Variants in ARHGAP35 observed in about 807,000 individuals in gnomAD.
The protein encoded by ARHGAP35 is rho GTPase-activating protein 35.
ARHGAP35 carries 15 observed loss-of-function variants against 111.1 expected under a neutral mutation model. The observed-to-expected ratio is 0.13, with a 90% CI of 0.09 to 0.21. The LOEUF is 0.21. Among genes scored for constraint, ARHGAP35 ranks in the 10% least tolerant of loss-of-function variants. The pLI, the probability that ARHGAP35 is intolerant of heterozygous loss-of-function variation, is 1.00. For synonymous variants in ARHGAP35, 643 were observed against 710.3 expected, an observed-to-expected ratio of 0.91 and a Z score of 1.51; for missense variants, 1,262 against 1,873.0, an observed-to-expected ratio of 0.67 and a Z score of 6.02.
intron 2 of ARHGAP35, among the ~76,000 whole-genome samples, chr19:46,934,692 C>T (rs988334844): frequency 1.8e-4 from 28 of 151,606 alleles, no homozygotes; most frequent in African/African-American, 6.5e-4. Flanking sequence ...TATTTTGAGA[C>T]GGGGTCGCAC....
intron 1 of ARHGAP35, among the ~76,000 whole-genome samples, chr19:46,913,660 G>T (rs534813922): frequency 6.6e-5 from 10 of 152,268 alleles, no homozygotes; most frequent in African/African-American, 2.4e-4. Context: ...CTCTGAAGTA[G>T]TTGACTCTTG....
In ARHGAP35 at chr19:46,920,590, C is replaced by T; in HGVS notation, c.1915C>T (p.Pro639Ser). The change falls in exon 2 of 7, where the codon CCA (proline) becomes TCA (serine). Residue 639 changes from proline (P) to serine (S), a missense_variant. This residue lies in a region of ARHGAP35 where 37 missense variants were observed against 83.9 expected (regional missense o/e 0.44). Transcript: ENST00000672722. This position sits in a 1 kb window ranked among gnomAD's most constrained non-coding sequence, Gnocchi z 7.0. ...DGKMYELSLR[P>S]IEGNVRLPVN... is the part of the protein sequence containing the mutation. ...TAAAATGTATGAGCTTTCCCTGAGG[C>T]CAATAGAGGGGAATGTCAGGCTTCC... is the stretch of plus-strand genomic sequence containing the variant. 1 of 1,614,010 alleles carries T rather than the reference C, an allele frequency of 6.2e-7. No individual in the cohort carries two copies. Among genetic ancestry groups the T allele is most frequent in the Non-Finnish European group, 8.5e-7 (1 of 1,179,892 alleles).
At chr19:46,958,948 C>T (rs576143767) in intron 3 of ARHGAP35, among the ~76,000 whole-genome samples, 1 of 152,258 alleles carries the variant, frequency 6.6e-6, no homozygotes, top group South Asian at 2.1e-4. Flanking sequence ...ATTTCTGTTT[C>T]TCATTCTCCT....
At chr19:46,956,755 A>G (rs1307480562) in intron 3 of ARHGAP35, among the ~76,000 whole-genome samples, 1 of 152,168 alleles carries the variant, frequency 6.6e-6, no homozygotes, top group Non-Finnish European at 1.5e-5. Flanking sequence ...GCTACCCAGT[A>G]GCTGTGTGAT....
chr19:46,965,340 T>A (rs2056507979), intron 3 of ARHGAP35, among the ~76,000 whole-genome samples: 1 of 152,230 alleles, frequency 6.6e-6, no homozygotes, highest in South Asian at 2.1e-4. Context: ...TTCTAAGATT[T>A]CTTTTGTTTT....
intron 1 of ARHGAP35, among the ~76,000 whole-genome samples, chr19:46,891,627 A>T (rs1016354998): frequency 2.6e-5 from 4 of 151,894 alleles, no homozygotes; most frequent in Non-Finnish European, 5.9e-5. Context: ...GAGTTTCACC[A>T]TGTTGGCCAG....
chr19:46,982,448 G>T (rs1460934538), intron 3 of ARHGAP35, among the ~76,000 whole-genome samples: 1 of 151,256 alleles, frequency 6.6e-6, no homozygotes, highest in Non-Finnish European at 1.5e-5. Context: ...CTGCACTCCA[G>T]CCTGGGCAAC....
chr19:46,915,946 T>C (rs1401934332), intron 1 of ARHGAP35, among the ~76,000 whole-genome samples: 3 of 148,756 alleles, frequency 2.0e-5, no homozygotes, highest in African/African-American at 7.5e-5. Context: ...TTTTTTTTTT[T>C]TTTTTTTAAG....
At chr19:46,882,645 C>A (rs572147395) in intron 1 of ARHGAP35, among the ~76,000 whole-genome samples, 1 of 152,288 alleles carries the variant, frequency 6.6e-6, no homozygotes, top group South Asian at 2.1e-4. Flanking sequence ...AATGCTCTCC[C>A]TTTCCTTGCT....
At chr19:46,944,562 G>C (rs961027000) in intron 3 of ARHGAP35, among the ~76,000 whole-genome samples, 1 of 152,098 alleles carries the variant, frequency 6.6e-6, no homozygotes, top group African/African-American at 2.4e-5. Flanking sequence ...TCCACCTCCA[G>C]GCCAATTGGA....
intron 1 of ARHGAP35, among the ~76,000 whole-genome samples, chr19:46,911,309 T>C (rs1298134254): frequency 2.6e-5 from 4 of 152,232 alleles, no homozygotes; most frequent in Non-Finnish European, 5.9e-5. Context: ...CTATACCATT[T>C]ATTGTCTTAT....
rs537321961 is a variant in ARHGAP35, at chr19:46,871,904, C to T, written c.-189+10695C>T. Among the ~76,000 whole-genome samples the T allele has an allele frequency of 1.9e-3, 290 of 151,978 alleles. 1 individual carries two copies. The highest frequency in any genetic ancestry group is 6.8e-3 in the African/African-American group (283 of 41,470). ...CTGAGGCAGGAGAATCGCATGAACC[C>T]AGAAGACAGAGGTTGCAGTGAGCGG... On this transcript the variant is annotated intron_variant, in intron 1 of 6. Coordinates refer to ENST00000672722, the MANE Select transcript of ARHGAP35 (RefSeq NM_004491.5).
intron 1 of ARHGAP35, among the ~76,000 whole-genome samples, chr19:46,867,005 C>G (rs2055861400): frequency 2.0e-5 from 3 of 152,092 alleles, no homozygotes; most frequent in Admixed American, 1.3e-4. Flanking sequence ...GTTCATCTTC[C>G]CAAAACTTTT....
chr19:46,975,993 T>C (rs1023305515), intron 3 of ARHGAP35, among the ~76,000 whole-genome samples: 1 of 152,240 alleles, frequency 6.6e-6, no homozygotes, highest in African/African-American at 2.4e-5. Flanking sequence ...TAGGTACGGT[T>C]ATAGCTTGAA....
At chr19:46,985,445 T>A (rs976565316) in intron 3 of ARHGAP35, among the ~76,000 whole-genome samples, 4 of 152,202 alleles carry the variant, frequency 2.6e-5, no homozygotes, top group Non-Finnish European at 5.9e-5. Flanking sequence ...TCTGGAACAC[T>A]AAGGAGGCAG....
At chr19:46,881,597 G>A (rs965160093) in intron 1 of ARHGAP35, among the ~76,000 whole-genome samples, 5 of 152,200 alleles carry the variant, frequency 3.3e-5, no homozygotes, top group Non-Finnish European at 7.3e-5. Context: ...GTAAACAGAT[G>A]TGCTGTCATC....
In ARHGAP35 at chr19:46,993,925, TTTG is replaced by T. The variant is rs200375498; in HGVS notation, c.4036+4268_4036+4270del. On this transcript the variant is annotated intron_variant, in intron 5 of 6. Transcript: ENST00000672722. This position sits in a 1 kb window ranked among gnomAD's most constrained non-coding sequence, Gnocchi z 4.6. Reference sequence around the variant, plus strand: ...CCACACACTGGAGCAGGATGGGTTGTTTGTTGTTGTTGTTGTTGTTAGAAAAAA... The same window carrying T: ...CCACACACTGGAGCAGGATGGGTTGTTTGTTGTTGTTGTTGTTAGAAAAAA... 2.6e-5 allele frequency among the ~76,000 whole-genome samples: 4 copies of T among 152,022 alleles called. No homozygotes were observed. The highest frequency in any genetic ancestry group is 4.4e-5 in the Non-Finnish European group (3 of 67,994).
At position 46,909,175 on chromosome 19, in the gene ARHGAP35, C is replaced by T. The variant is rs186397914; in HGVS notation, c.-188-9313C>T. Among the ~76,000 whole-genome samples the T allele has an allele frequency of 4.1e-3, 623 of 152,160 alleles. 3 individuals are homozygous for T. Among genetic ancestry groups the T allele is most frequent in the Middle Eastern group, 0.014 (4 of 294 alleles). On this transcript the variant is annotated intron_variant, in intron 1 of 6. Transcript: ENST00000672722. The stretch of plus-strand genomic sequence containing the variant: ...AAAATTAGCCGGCCGTGGTGGCATG[C>T]GCTTGTAGTCCCAGCTACTCAGGAG...
At chr19:46,996,651 A>G (rs941999404) in intron 5 of ARHGAP35, among the ~76,000 whole-genome samples, 4 of 152,200 alleles carry the variant, frequency 2.6e-5, no homozygotes, top group Non-Finnish European at 4.4e-5. Context: ...TGGGTCGTGC[A>G]GGCACCTACG....
Sources: allele counts gnomAD v4.1 joint callset (sites outside exome capture counted in the v4.1 genomes callset), GRCh38; gene constraint gnomAD v4.1.1; regional missense constraint gnomAD v4.1.1; non-coding constraint Gnocchi (gnomAD v3.1); transcripts MANE v1.5; gene names NCBI Gene and HGNC (gene_info 2026-07-23, HGNC 2026-07-21).